ZFYVE1: variants seen among roughly 807,000 people sequenced by gnomAD.
ZFYVE1 encodes zinc finger FYVE-type containing 1.
In ZFYVE1, 30 loss-of-function variants were observed where a neutral mutation model predicts 74.4. The ratio of observed to expected loss-of-function variants is 0.40; its 90% CI spans 0.30 to 0.55. The LOEUF (loss-of-function observed/expected upper bound fraction) is 0.55. Ranked by LOEUF, ZFYVE1 falls within the 20% of genes least tolerant of loss-of-function variation. The pLI, the probability that ZFYVE1 is intolerant of heterozygous loss-of-function variation, is 0.42. For synonymous variants in ZFYVE1, 335 were observed against 385.1 expected (o/e 0.87, Z 1.52); for missense variants, 703 against 1,011.6 (o/e 0.69, Z 4.14).
chr14:73,024,375 C>G lies in ZFYVE1; in HGVS notation c.134G>C (p.Cys45Ser). The change falls in exon 2 of 12, where the codon TGC (cysteine) becomes TCC (serine). Residue 45 changes from cysteine (C) to serine (S), a missense_variant. Cys to Ser is a moderately radical substitution (Grantham distance 112). Around this residue, in one of 2 missense-constraint regions of ZFYVE1, gnomAD observed 211 missense variants for 221.7 expected, o/e 0.95. Coordinates refer to ENST00000556143, the MANE Select transcript of ZFYVE1 (RefSeq NM_021260.4). ...CTCCTGCCGATGGAGCTCCTCCTCG[C>G]AGCGGAGACACTGCAGACTGCAGCA... ...DECCSLQCLR[C>S]EEELHRQERL... is the part of the protein sequence containing the mutation. 6.2e-7 allele frequency: 1 copy of G among 1,614,198 alleles called. No homozygotes were observed. Among genetic ancestry groups the G allele is most frequent in the Non-Finnish European group, 8.5e-7 (1 of 1,180,046 alleles).
chr14:73,004,844 A>T (rs945820658), intron 2 of ZFYVE1, among the ~76,000 whole-genome samples: 2 of 152,066 alleles, frequency 1.3e-5, no homozygotes, highest in African/African-American at 4.8e-5. Flanking sequence ...CTAAAAATAC[A>T]AAAAATTGGC....
intron 4 of ZFYVE1, among the ~76,000 whole-genome samples, chr14:72,987,532 G>T (rs759210678): frequency 6.6e-6 from 1 of 151,920 alleles, no homozygotes; most frequent in Non-Finnish European, 1.5e-5. Flanking sequence ...GGTGCCTAGG[G>T]GACACAGAGC....
At chr14:73,014,462 A>G (rs575449757) in intron 2 of ZFYVE1, among the ~76,000 whole-genome samples, 2 of 152,334 alleles carry the variant, frequency 1.3e-5, no homozygotes, top group South Asian at 4.1e-4. Context: ...CTTTGTGTTA[A>G]AGGCAATGAT....
chr14:73,016,357 A>C (rs898896693), intron 2 of ZFYVE1, among the ~76,000 whole-genome samples: 6 of 152,078 alleles, frequency 3.9e-5, no homozygotes, highest in African/African-American at 1.4e-4. Flanking sequence ...TAAAAGTACA[A>C]AAAATTAGCC....
At chr14:73,008,691 T>A (rs532417029) in intron 2 of ZFYVE1, among the ~76,000 whole-genome samples, 2 of 152,144 alleles carry the variant, frequency 1.3e-5, no homozygotes, top group African/African-American at 2.4e-5. Flanking sequence ...GAGGAGCTTC[T>A]GGATGGGAGA....
chr14:72,997,563 T>C (rs1893776352), intron 3 of ZFYVE1, among the ~76,000 whole-genome samples: 1 of 152,140 alleles, frequency 6.6e-6, no homozygotes, highest in African/African-American at 2.4e-5. Flanking sequence ...AGGGAACAGG[T>C]CTTATCCAGA....
chr14:73,019,809 A>T (rs1894277468), intron 2 of ZFYVE1, among the ~76,000 whole-genome samples: 1 of 151,944 alleles, frequency 6.6e-6, no homozygotes, highest in Non-Finnish European at 1.5e-5. Flanking sequence ...AAAATTAGCC[A>T]GGCGTGGTGG....
At chr14:73,023,289 A>ATATAATATATATTATATATGTTT (rs1567366754) in intron 2 of ZFYVE1, among the ~76,000 whole-genome samples, 5 of 106,572 alleles carry the variant, frequency 4.7e-5, no homozygotes, top group African/African-American at 1.6e-4. Flanking sequence ...TATATGTTTT[A>ATATAATATATATTATATATGTTT]TATATAATAT....
At chr14:73,015,017 G>T (rs1163125076) in intron 2 of ZFYVE1, among the ~76,000 whole-genome samples, 31 of 151,846 alleles carry the variant, frequency 2.0e-4, no homozygotes. Flanking sequence ...GATCACTTGA[G>T]GTCTGGAGTT....
At chr14:72,981,717 G>GTCT (rs2140350651) in intron 5 of ZFYVE1, 72 bp downstream of exon 5, 1 of 1,428,444 alleles carries the variant, frequency 7.0e-7, no homozygotes, top group East Asian at 2.3e-5. Context: ...CCACACCAAA[G>GTCT]TCTAGGAAGC....
intron 11 of ZFYVE1, among the ~76,000 whole-genome samples, chr14:72,971,357 G>A (rs1893030783): frequency 6.6e-6 from 1 of 152,096 alleles, no homozygotes. Context: ...ATTTTTTGGA[G>A]TCAGAGTCTC....
At chr14:73,025,827 TTCAGA>T (rs1250936895) in intron 1 of ZFYVE1, among the ~76,000 whole-genome samples, 2 of 152,250 alleles carry the variant, frequency 1.3e-5, no homozygotes, top group Non-Finnish European at 2.9e-5. Flanking sequence ...TTTCTGTTCA[TTCAGA>T]TATTAAATTC....
intron 4 of ZFYVE1, among the ~76,000 whole-genome samples, chr14:72,991,183 A>ATTT (rs57153409): frequency 6.7e-4 from 56 of 83,570 alleles, no homozygotes; most frequent in African/African-American, 1.2e-3. Flanking sequence ...CCCTGATGGT[A>ATTT]TTTTTTTTTT....
intron 2 of ZFYVE1, among the ~76,000 whole-genome samples, chr14:73,018,992 T>G (rs1894259322): frequency 6.6e-6 from 1 of 151,396 alleles, no homozygotes; most frequent in South Asian, 2.1e-4. Flanking sequence ...AAAAATGTGA[T>G]GAATTAATGG....
intron 8 of ZFYVE1, among the ~76,000 whole-genome samples, chr14:72,977,165 T>C (rs1417806910): frequency 6.6e-6 from 1 of 152,222 alleles, no homozygotes; most frequent in Non-Finnish European, 1.5e-5. Flanking sequence ...CCCAGCCCTT[T>C]GGGAGGCCGA....
At chr14:73,007,123 G>A (rs933671741) in intron 2 of ZFYVE1, among the ~76,000 whole-genome samples, 2 of 152,024 alleles carry the variant, frequency 1.3e-5, no homozygotes, top group African/African-American at 2.4e-5. Context: ...TTCCTTCCAA[G>A]CCCTCACAGA....
At chr14:73,013,999 A>T (rs2140383181) in intron 2 of ZFYVE1, among the ~76,000 whole-genome samples, 1 of 152,314 alleles carries the variant, frequency 6.6e-6, no homozygotes, top group South Asian at 2.1e-4. Context: ...CTGAAGGTCA[A>T]ATTAATAAGA....
chr14:72,975,592 G>T lies in ZFYVE1; in HGVS notation c.1765C>A (p.Gln589Lys), dbSNP rs370445582. The T allele has an allele frequency of 4.4e-5, 71 of 1,613,986 alleles. No individual in the cohort carries two copies. The highest frequency in any genetic ancestry group is 5.8e-5 in the Non-Finnish European group (68 of 1,180,002). ...TKAVTSWLTD[Q>K]IAPAYWRPNS... is the part of the protein sequence containing the mutation. Reference sequence around the variant, plus strand: ...GGCCTCCAGTAGGCAGGGGCGATCTGGTCTGTCAGCCAGGAAGTCACAGCC... The same window carrying T: ...GGCCTCCAGTAGGCAGGGGCGATCTTGTCTGTCAGCCAGGAAGTCACAGCC... The change falls in exon 9 of 12, where the codon CAG becomes AAG. Residue 589 changes from glutamine (Q) to lysine (K), a missense_variant. By Grantham distance (53) the Gln-to-Lys change is moderately conservative. Transcript: ENST00000556143. The surrounding 1 kb of genome is among the most constrained non-coding windows in gnomAD (Gnocchi z 4.1).
Position 72,975,760 on chromosome 14 carries a change from G to A in ZFYVE1, c.1636-39C>T. ...GCAGGCTTCCATCATGCTCTGAGAA[G>A]GGAGTGAAAGGAAGGAGGAAGAGGG... On this transcript the variant is annotated intron_variant, in intron 8 of 11. Transcript: ENST00000556143. The surrounding 1 kb of genome is among the most constrained non-coding windows in gnomAD (Gnocchi z 4.1). 1 of 1,602,512 alleles carries A rather than the reference G, an allele frequency of 6.2e-7. No homozygotes were observed. The highest frequency in any genetic ancestry group is 2.2e-5 in the East Asian group (1 of 44,820).
Sources: gnomAD v4.1 joint callset for allele counts (sites outside exome capture counted in the v4.1 genomes callset) on GRCh38, gnomAD v4.1.1 for gene constraint, gnomAD v4.1.1 regional missense constraint, Gnocchi (gnomAD v3.1) non-coding constraint, MANE v1.5 for transcripts, NCBI Gene and HGNC (gene_info 2026-07-23, HGNC 2026-07-21) for gene names.